Variants in ZNF610 observed in about 807,000 individuals in gnomAD.
The protein encoded by ZNF610 is zinc finger protein 610.
ZNF610 carries 14 observed loss-of-function variants against 14.1 expected under a neutral mutation model. That is an observed-to-expected ratio of 0.99 (90% CI 0.65 to 1.55). ZNF610 has a LOEUF of 1.55. ZNF610 is among the 40% of genes most tolerant of loss of function. ZNF610 has a pLI of 0.00. For missense variants in ZNF610, 530 were observed against 558.0 expected (o/e 0.95, Z 0.51); for synonymous variants, 185 against 187.6 (o/e 0.99, Z 0.11).
At chr19:52,341,598 G>A (rs1432158352) in intron 1 of ZNF610, among the ~76,000 whole-genome samples, 5 of 151,834 alleles carry the variant, frequency 3.3e-5, no homozygotes, top group African/African-American at 4.8e-5. Context: ...ATGAGCCACC[G>A]TGCGTGGCCC....
rs1365734868 is a variant in ZNF610, at chr19:52,347,726, T to C, written c.-238T>C. On this transcript the variant is annotated 5_prime_UTR_variant, in exon 2 of 6. Coordinates refer to ENST00000403906, the MANE Select transcript of ZNF610 (RefSeq NM_001161425.2). ...TTGTAGACACAGGAGTGTTGCCATG[T>C]TGTCCAAACTGGTCTCGAAATTCTG... 1.3e-5 allele frequency: 2 copies of C among 152,198 alleles called. No individual in the cohort carries two copies. The highest frequency in any genetic ancestry group is 4.8e-5 in the African/African-American group (2 of 41,464). The allele number at this position is 152,198 out of a possible 1,614,324, so 9.4% of individuals were successfully genotyped here.
At position 52,366,147 on chromosome 19, in the gene ZNF610, C is replaced by G. The variant is rs1986031364; in HGVS notation, c.769C>G (p.Gln257Glu). The change falls in exon 6 of 6, where the codon CAG becomes GAG. Residue 257 changes from glutamine (Q) to glutamate (E), a missense_variant. Coordinates refer to ENST00000403906, the MANE Select transcript of ZNF610 (RefSeq NM_001161425.2). ...LVEHWRIHTG[Q>E]KPYKCSECDK... ...AGAACATTGGAGAATTCATACTGGACAGAAGCCTTACAAATGTAGTGAATG... is the reference window on the plus strand; with the variant it reads ...AGAACATTGGAGAATTCATACTGGAGAGAAGCCTTACAAATGTAGTGAATG... 1 of 1,613,362 alleles carries G rather than the reference C, an allele frequency of 6.2e-7. No homozygotes were observed. The highest frequency in any genetic ancestry group is 1.7e-5 in the Admixed American group (1 of 59,978).
chr19:52,349,260 G>A (rs771495881), intron 3 of ZNF610, 25 bp downstream of exon 3: 5 of 1,598,066 alleles, frequency 3.1e-6, no homozygotes, highest in African/African-American at 2.8e-5. Context: ...TCGGTGGTTG[G>A]TTCTCTCTGT....
intron 3 of ZNF610, among the ~76,000 whole-genome samples, chr19:52,353,433 A>G (rs1229178874): frequency 1.3e-5 from 2 of 152,206 alleles, no homozygotes; most frequent in Non-Finnish European, 2.9e-5. Context: ...AGGCTGGGGC[A>G]GGATTAAACT....
In ZNF610 at chr19:52,342,827, G is replaced by A. The variant is rs1221029392; in HGVS notation, c.-257-4880G>A. Among the ~76,000 whole-genome samples, 4 of 152,052 alleles carry A rather than the reference G, an allele frequency of 2.6e-5. No individual in the cohort carries two copies. The East Asian group carries it at 7.7e-4, about 29-fold the overall frequency. On this transcript the variant is annotated intron_variant, in intron 1 of 5. Transcript: ENST00000403906. ...GGCGTGAGCCACCGCGCCTGGCCCTGTTTAACATTTTTGTCATCACCTTCA... is the reference window on the plus strand; with the variant it reads ...GGCGTGAGCCACCGCGCCTGGCCCTATTTAACATTTTTGTCATCACCTTCA...
At chr19:52,355,487 G>C (rs1185013587) in intron 5 of ZNF610, among the ~76,000 whole-genome samples, 1 of 152,178 alleles carries the variant, frequency 6.6e-6, no homozygotes, top group South Asian at 2.1e-4. Flanking sequence ...AAAATGTGTG[G>C]GGATTTCTCC....
At position 52,366,550 on chromosome 19, in the gene ZNF610, T is replaced by G. The variant is rs1438380121; in HGVS notation, c.1172T>G (p.Leu391Arg). The change falls in exon 6 of 6, where the codon CTT becomes CGT. Residue 391 changes from leucine to arginine, a missense_variant. Transcript: ENST00000403906. ...AAGCGTCCGGGCCTTATGGCCCATC[T>G]TCTAATCCATACTGGAGAGAAACCT... is the stretch of plus-strand genomic sequence containing the variant. ...FHKRPGLMAH[L>R]LIHTGEKPYK... 6.2e-7 allele frequency: 1 copy of G among 1,614,084 alleles called. No homozygotes were observed. Among genetic ancestry groups the G allele is most frequent in the Non-Finnish European group, 8.5e-7 (1 of 1,180,038 alleles).
At chr19:52,349,358 A>T in intron 3 of ZNF610, 123 bp downstream of exon 3, 1 of 1,372,196 alleles carries the variant, frequency 7.3e-7, no homozygotes, top group Non-Finnish European at 1.0e-6. Flanking sequence ...TCTCGCTTAG[A>T]TTCTATCTCT....
chr19:52,353,347 A>T (rs896350941), intron 3 of ZNF610, among the ~76,000 whole-genome samples: 1 of 152,206 alleles, frequency 6.6e-6, no homozygotes, highest in Admixed American at 6.5e-5. Flanking sequence ...ATACCTACAT[A>T]TGTAAATTTT....
intron 1 of ZNF610, among the ~76,000 whole-genome samples, chr19:52,338,707 T>G (rs920427254): frequency 6.6e-6 from 1 of 152,062 alleles, no homozygotes; most frequent in African/African-American, 2.4e-5. Context: ...TAAACATGTT[T>G]TTTTTTCTTT....
chr19:52,349,127 A>G (rs775043590), intron 2 of ZNF610, 27 bp from the exon 3 acceptor site: 60 of 1,528,282 alleles, frequency 3.9e-5, no homozygotes, highest in Non-Finnish European at 5.4e-5. Flanking sequence ...GATTCCGAGC[A>G]GTAATCAGTG....
chr19:52,330,302 CT>C, the ZNF610 span: 1 of 152,062 alleles, frequency 6.6e-6, no homozygotes, highest in Non-Finnish European at 1.5e-5. Flanking sequence ...ACAGATGCGC[CT>C]CTCAGAACAA....
chr19:52,365,254 G>T (rs1011221873), intron 5 of ZNF610, among the ~76,000 whole-genome samples: 1 of 145,566 alleles, frequency 6.9e-6, no homozygotes, highest in Admixed American at 6.8e-5. Flanking sequence ...AAAAAAAAAA[G>T]AATTGTGACA....
chr19:52,362,365 C>G (rs905048102), intron 5 of ZNF610, among the ~76,000 whole-genome samples: 1 of 152,186 alleles, frequency 6.6e-6, no homozygotes, highest in African/African-American at 2.4e-5. Context: ...GAGCCGAGAT[C>G]GCACCACTGC....
intron 1 of ZNF610, among the ~76,000 whole-genome samples, chr19:52,346,793 G>C (rs1189486093): frequency 6.6e-6 from 1 of 151,736 alleles, no homozygotes; most frequent in Non-Finnish European, 1.5e-5. Flanking sequence ...ACAGTGGTGC[G>C]GTCTCGGCTC....
intron 1 of ZNF610, among the ~76,000 whole-genome samples, chr19:52,341,386 T>C (rs1984683408): frequency 6.6e-6 from 1 of 152,124 alleles, no homozygotes; most frequent in Non-Finnish European, 1.5e-5. Flanking sequence ...CTCGGCTCAC[T>C]GCAACCTCTG....
intron 5 of ZNF610, among the ~76,000 whole-genome samples, chr19:52,356,352 A>G (rs1387424425): frequency 6.6e-6 from 1 of 152,174 alleles, no homozygotes; most frequent in Non-Finnish European, 1.5e-5. Flanking sequence ...CAAAATAGCA[A>G]CCAGATGCTT....
rs1024402350 is a variant in ZNF610, at chr19:52,367,499, A to G, written c.*732A>G. 6.6e-6 allele frequency: 1 copy of G among 152,240 alleles called. No individual in the cohort carries two copies. Among genetic ancestry groups the G allele is most frequent in the Non-Finnish European group, 1.5e-5 (1 of 68,056 alleles). 9.4% of individuals were successfully genotyped at this position (152,240 alleles called of 1,614,324 possible). A position where few individuals can be genotyped will look rare whatever the true frequency, so the allele number is the denominator to read the frequency against. The stretch of plus-strand genomic sequence containing the variant: ...TTGTTTAATCTTACCTCAGGAGGAT[A>G]CTTTATAGTAGAGAATAATAACCCA... On this transcript the variant is annotated 3_prime_UTR_variant, in exon 6 of 6. Transcript: ENST00000403906.
Position 52,366,037 on chromosome 19 carries a change from C to A in ZNF610, c.659C>A (p.Thr220Asn). ...GEVFRVRASL[T>N]NHQVIHTAEK... ...GTTTTTAGAGTCCGTGCAAGCCTTA[C>A]TAACCATCAAGTAATCCATACTGCA... The change falls in exon 6 of 6, where the codon ACT becomes AAT. Residue 220 changes from threonine to asparagine, a missense_variant. Coordinates refer to ENST00000403906, the MANE Select transcript of ZNF610 (RefSeq NM_001161425.2). 6.2e-7 allele frequency: 1 copy of A among 1,614,114 alleles called. No individual in the cohort carries two copies. Among genetic ancestry groups the A allele is most frequent in the East Asian group, 2.2e-5 (1 of 44,882 alleles).
Sources: gnomAD v4.1 joint callset for allele counts (sites outside exome capture counted in the v4.1 genomes callset) on GRCh38, gnomAD v4.1.1 for gene constraint, MANE v1.5 for transcripts, NCBI Gene and HGNC (gene_info 2026-07-23, HGNC 2026-07-21) for gene names.